Variants in ASB18 observed in about 807,000 individuals in gnomAD.
The protein encoded by ASB18 is ankyrin repeat and SOCS box protein 18.
ASB18 carries 33 observed loss-of-function variants against 33.4 expected under a neutral mutation model. That is an observed-to-expected ratio of 0.99 (90% CI 0.75 to 1.32). ASB18 has a LOEUF of 1.32. ASB18 is among the 40% of genes most tolerant of loss of function. The pLI, the probability that ASB18 is intolerant of heterozygous loss-of-function variation, is 0.00. For missense variants in ASB18, 694 were observed against 655.5 expected (o/e 1.06, Z -0.64); for synonymous variants, 295 against 307.6 (o/e 0.96, Z 0.43).
At position 236,196,458 on chromosome 2, in the gene ASB18, T is replaced by A; in HGVS notation, c.1102-73A>T. ...GTCTCAGTGGGGAAAGGGTGGGGGG[T>A]GTGGGGGGATGCTCTCCCTAGCTGT... On this transcript the variant is annotated intron_variant, in intron 4 of 5. Coordinates refer to ENST00000409749, the MANE Select transcript of ASB18 (RefSeq NM_212556.4). This position sits in a 1 kb window ranked among gnomAD's most constrained non-coding sequence, Gnocchi z 5.6. The A allele has an allele frequency of 1.4e-6, 1 of 739,544 alleles. No individual in the cohort carries two copies. The highest frequency in any genetic ancestry group is 2.4e-6 in the Non-Finnish European group (1 of 421,388). The allele number at this position is 739,544 out of a possible 1,614,324, so 45.8% of individuals were successfully genotyped here.
In ASB18 at chr2:236,231,902, A is replaced by G. The variant is rs1053560323; in HGVS notation, c.596+5787T>C. Among the ~76,000 whole-genome samples the G allele has an allele frequency of 9.9e-5, 15 of 152,234 alleles. No homozygotes were observed. The highest frequency in any genetic ancestry group is 9.8e-4 in the Admixed American group (15 of 15,282). On this transcript the variant is annotated intron_variant, in intron 3 of 5. Coordinates refer to ENST00000409749, the MANE Select transcript of ASB18 (RefSeq NM_212556.4). This position sits in a 1 kb window ranked among gnomAD's most constrained non-coding sequence, Gnocchi z 5.5. ...GCAAAGAGAAACAGACAAATCCACA[A>G]TTATACTTAGAGAGTTTGACACTCT...
Position 236,216,918 on chromosome 2 carries a change from G to T in ASB18, c.597-2052C>A, listed in dbSNP as rs980957530. ...TGCCTGACCAGGTATGGTGCTGAGAGCACACTCTGCCGTGCCATGCCCCCA... is the reference window on the plus strand; with the variant it reads ...TGCCTGACCAGGTATGGTGCTGAGATCACACTCTGCCGTGCCATGCCCCCA... On this transcript the variant is annotated intron_variant, in intron 3 of 5. Transcript: ENST00000409749. This position sits in a 1 kb window ranked among gnomAD's most constrained non-coding sequence, Gnocchi z 6.1. Among the ~76,000 whole-genome samples the T allele has an allele frequency of 1.3e-5, 2 of 152,066 alleles. No homozygotes were observed. The highest frequency in any genetic ancestry group is 4.8e-5 in the African/African-American group (2 of 41,398).
At position 236,209,194 on chromosome 2, in the gene ASB18, T is replaced by C. The variant is rs1411098341; in HGVS notation, c.1101+5168A>G. On this transcript the variant is annotated intron_variant, in intron 4 of 5. Transcript: ENST00000409749. The surrounding 1 kb of genome is among the most constrained non-coding windows in gnomAD (Gnocchi z 4.4). ...TTAGGTAAAAAGAAAACATGAAAAC[T>C]TTAGGTCTCCATTTTCAGTATGGTT... 6.6e-6 allele frequency among the ~76,000 whole-genome samples: 1 copy of C among 152,054 alleles called. No homozygotes were observed. The highest frequency in any genetic ancestry group is 1.5e-5 in the Non-Finnish European group (1 of 68,016).
rs559428062 is a variant in ASB18 at position 236,245,138 on chromosome 2, C to T, written c.206-3736G>A. ...GACCCAAATTGGTTGCCACGGGGGC[C>T]GTAGGTTTATTTTTTACCATGTTTA... On this transcript the variant is annotated intron_variant, in intron 1 of 5. Coordinates refer to ENST00000409749, the MANE Select transcript of ASB18 (RefSeq NM_212556.4). This position sits in a 1 kb window ranked among gnomAD's most constrained non-coding sequence, Gnocchi z 4.7. 2.6e-4 allele frequency among the ~76,000 whole-genome samples: 39 copies of T among 152,210 alleles called. No homozygotes were observed. Among genetic ancestry groups the T allele is most frequent in the African/African-American group, 9.1e-4 (38 of 41,538 alleles).
chr2:236,237,616 G>A lies in ASB18; in HGVS notation c.596+73C>T, dbSNP rs2060600592. The A allele has an allele frequency of 1.9e-5, 23 of 1,231,984 alleles. No individual in the cohort carries two copies. Among genetic ancestry groups the A allele is most frequent in the Non-Finnish European group, 2.4e-5 (23 of 960,998 alleles). 76.3% of individuals were successfully genotyped at this position (1,231,984 alleles called of 1,614,324 possible). A position where few individuals can be genotyped will look rare whatever the true frequency, so the allele number is the denominator to read the frequency against. On this transcript the variant is annotated intron_variant, in intron 3 of 5. Coordinates refer to ENST00000409749, the MANE Select transcript of ASB18 (RefSeq NM_212556.4). This position sits in a 1 kb window ranked among gnomAD's most constrained non-coding sequence, Gnocchi z 6.2. The stretch of plus-strand genomic sequence containing the variant: ...GGACGGAGGCGGAGGCGGGGTCGGC[G>A]GTCTCGTGGGGGGAGGCGGGCGTCT...
In ASB18 at chr2:236,195,188, G is replaced by A. The variant is rs2034667; in HGVS notation, c.1216-131C>T. 0.11 allele frequency: 84,070 copies of A among 797,664 alleles called. 5,431 individuals carry two copies. Among genetic ancestry groups the A allele is most frequent in the African/African-American group, 0.18 (10,187 of 56,930 alleles). 49.4% of individuals were successfully genotyped at this position (797,664 alleles called of 1,614,324 possible). A position where few individuals can be genotyped will look rare whatever the true frequency, so the allele number is the denominator to read the frequency against. On this transcript the variant is annotated intron_variant, in intron 5 of 5. Coordinates refer to ENST00000409749, the MANE Select transcript of ASB18 (RefSeq NM_212556.4). This position sits in a 1 kb window ranked among gnomAD's most constrained non-coding sequence, Gnocchi z 5.5. ...CTGATCCCAGATAAGCGCACTGGAG[G>A]GAGACGCACCATCTTGTGGGAACCA... is the stretch of plus-strand genomic sequence containing the variant.
Position 236,219,069 on chromosome 2 carries a change from T to A in ASB18, c.597-4203A>T, listed in dbSNP as rs1395970998. 6.6e-6 allele frequency among the ~76,000 whole-genome samples: 1 copy of A among 151,702 alleles called. No individual in the cohort carries two copies. The highest frequency in any genetic ancestry group is 1.5e-5 in the Non-Finnish European group (1 of 67,980). On this transcript the variant is annotated intron_variant, in intron 3 of 5. Transcript: ENST00000409749. The surrounding 1 kb of genome is among the most constrained non-coding windows in gnomAD (Gnocchi z 6.4). ...TTGTTTTATTTTTGTATTGACAGGG[T>A]CTTGCTATGTTTCCCAGGCTGCTCT...
chr2:236,196,040 G>C lies in ASB18; in HGVS notation c.1215+232C>G. The C allele has an allele frequency of 1.8e-6, 1 of 550,428 alleles. No homozygotes were observed. The highest frequency in any genetic ancestry group is 3.4e-6 in the Non-Finnish European group (1 of 298,026). The allele number at this position is 550,428 out of a possible 1,614,324, so 34.1% of individuals were successfully genotyped here. ...CTCGCGCTTTTCAGGCCAGCACGGG[G>C]CTCTGAGCTCCTTGAGGCCATGGCA... is the stretch of plus-strand genomic sequence containing the variant. On this transcript the variant is annotated intron_variant, in intron 5 of 5. Transcript: ENST00000409749. The surrounding 1 kb of genome is among the most constrained non-coding windows in gnomAD (Gnocchi z 5.6).
rs1462017701 is a variant in ASB18 at position 236,264,234 on chromosome 2, T to A, written c.112A>T (p.Thr38Ser). The change falls in exon 1 of 6, where the codon ACT (threonine) becomes TCT (serine). Residue 38 changes from threonine to serine, a missense_variant. Physicochemically the swap from Thr to Ser is moderately conservative, Grantham distance 58. Coordinates refer to ENST00000409749, the MANE Select transcript of ASB18 (RefSeq NM_212556.4). The surrounding 1 kb of genome is among the most constrained non-coding windows in gnomAD (Gnocchi z 5.1). ...DEERVRDLICTEITPVDAVIE... is the reference protein window; with the variant it reads ...DEERVRDLICSEITPVDAVIE... ...ACAGCGTCCACAGGCGTGATTTCAGTGCAGATTAAATCCCTCACTCTCTCC... is the reference window on the plus strand; with the variant it reads ...ACAGCGTCCACAGGCGTGATTTCAGAGCAGATTAAATCCCTCACTCTCTCC... 1 of 1,613,984 alleles carries A rather than the reference T, an allele frequency of 6.2e-7. No individual in the cohort carries two copies. Among genetic ancestry groups the A allele is most frequent in the Non-Finnish European group, 8.5e-7 (1 of 1,179,880 alleles).
chr2:236,264,253 T>A lies in ASB18; in HGVS notation c.93A>T (p.Arg31Ser), dbSNP rs2060735964. The A allele has an allele frequency of 6.2e-7, 1 of 1,613,844 alleles. No individual in the cohort carries two copies. Among genetic ancestry groups the A allele is most frequent in the South Asian group, 1.1e-5 (1 of 91,086 alleles). ...TTTCAGTGCAGATTAAATCCCTCAC[T>A]CTCTCCTCATCTTTGGCATCCAGGG... ...KSALDAKDEE[R>S]VRDLICTEIT... is the part of the protein sequence containing the mutation. The change falls in exon 1 of 6, where the codon AGA (arginine) becomes AGT (serine). Residue 31 changes from arginine (R) to serine (S), a missense_variant. Physicochemically the swap from Arg to Ser is moderately radical, Grantham distance 110 (BLOSUM62 -1). Transcript: ENST00000409749. This position sits in a 1 kb window ranked among gnomAD's most constrained non-coding sequence, Gnocchi z 5.1.
At position 236,257,336 on chromosome 2, in the gene ASB18, C is replaced by T. The variant is rs112819843; in HGVS notation, c.205+6805G>A. ...AGCAGGGTCTCCCTGCCCCCACGCT[C>T]TCTGGTGGAGTGAGCAGTCAAGACA... On this transcript the variant is annotated intron_variant, in intron 1 of 5. Transcript: ENST00000409749. The surrounding 1 kb of genome is among the most constrained non-coding windows in gnomAD (Gnocchi z 5.5). Among the ~76,000 whole-genome samples the T allele has an allele frequency of 6.5e-4, 99 of 152,320 alleles. 1 individual carries two copies. Among genetic ancestry groups the T allele is most frequent in the Middle Eastern group, 3.4e-3 (1 of 294 alleles).
At position 236,259,030 on chromosome 2, in the gene ASB18, G is replaced by C. The variant is rs1018188598; in HGVS notation, c.205+5111C>G. Among the ~76,000 whole-genome samples, 1 of 152,178 alleles carries C rather than the reference G, an allele frequency of 6.6e-6. No homozygotes were observed. Among genetic ancestry groups the C allele is most frequent in the African/African-American group, 2.4e-5 (1 of 41,442 alleles). The stretch of plus-strand genomic sequence containing the variant: ...CCAGTTACCAAATTGTACAGTTGAT[G>C]CATTTGGGGGGCGAGATGGGTCTCA... On this transcript the variant is annotated intron_variant, in intron 1 of 5. Coordinates refer to ENST00000409749, the MANE Select transcript of ASB18 (RefSeq NM_212556.4). The surrounding 1 kb of genome is among the most constrained non-coding windows in gnomAD (Gnocchi z 4.4).
rs1021815448 is a variant in ASB18, at chr2:236,220,926, C to T, written c.597-6060G>A. 6.6e-6 allele frequency among the ~76,000 whole-genome samples: 1 copy of T among 152,178 alleles called. No individual in the cohort carries two copies. Among genetic ancestry groups the T allele is most frequent in the Non-Finnish European group, 1.5e-5 (1 of 68,036 alleles). ...CCACAGGAATTCCTGGACAGACTCA[C>T]CGACAGGACACTGAAGGCAGGGCAA... On this transcript the variant is annotated intron_variant, in intron 3 of 5. Transcript: ENST00000409749. The surrounding 1 kb of genome is among the most constrained non-coding windows in gnomAD (Gnocchi z 5.1).
rs1457627654 is a variant in ASB18, at chr2:236,209,805, T to C, written c.1101+4557A>G. Among the ~76,000 whole-genome samples, 1 of 152,256 alleles carries C rather than the reference T, an allele frequency of 6.6e-6. No individual in the cohort carries two copies. Among genetic ancestry groups the C allele is most frequent in the African/African-American group, 2.4e-5 (1 of 41,478 alleles). ...GCCCTTAAGGCCCTGCCTGGCTGCC[T>C]AGTCTCAACTGGTGCCCCCTAGCTG... On this transcript the variant is annotated intron_variant, in intron 4 of 5. Transcript: ENST00000409749. The surrounding 1 kb of genome is among the most constrained non-coding windows in gnomAD (Gnocchi z 4.4).
Position 236,222,633 on chromosome 2 carries a change from G to C in ASB18, c.597-7767C>G, listed in dbSNP as rs1184329305. ...GGATGGGGCCTGGTGGGAGGTGGTT[G>C]GTTCATGGGGGTAGGTCTCTCACGA... On this transcript the variant is annotated intron_variant, in intron 3 of 5. Coordinates refer to ENST00000409749, the MANE Select transcript of ASB18 (RefSeq NM_212556.4). This position sits in a 1 kb window ranked among gnomAD's most constrained non-coding sequence, Gnocchi z 5.5. Among the ~76,000 whole-genome samples the C allele has an allele frequency of 6.6e-6, 1 of 152,154 alleles. No individual in the cohort carries two copies. The highest frequency in any genetic ancestry group is 2.4e-5 in the African/African-American group (1 of 41,416).
At position 236,225,010 on chromosome 2, in the gene ASB18, C is replaced by G. The variant is rs2060530711; in HGVS notation, c.597-10144G>C. ...TATGTATCAATGCCTGTGAGCCTGG[C>G]ATCTCAGGCAGGTGAACTTCCTGTT... On this transcript the variant is annotated intron_variant, in intron 3 of 5. Coordinates refer to ENST00000409749, the MANE Select transcript of ASB18 (RefSeq NM_212556.4). This position sits in a 1 kb window ranked among gnomAD's most constrained non-coding sequence, Gnocchi z 5.1. Among the ~76,000 whole-genome samples the G allele has an allele frequency of 6.6e-6, 1 of 152,242 alleles. No homozygotes were observed. Among genetic ancestry groups the G allele is most frequent in the Admixed American group, 6.5e-5 (1 of 15,288 alleles).
chr2:236,242,650 G>C (rs2060626410), intron 1 of ASB18, among the ~76,000 whole-genome samples: 2 of 151,802 alleles, frequency 1.3e-5, no homozygotes, highest in Non-Finnish European at 2.9e-5. Flanking sequence ...ATTTTTCGTA[G>C]AGATGGGCTT....
chr2:236,207,281 C>A (rs2060439037), intron 4 of ASB18, among the ~76,000 whole-genome samples: 1 of 152,214 alleles, frequency 6.6e-6, no homozygotes, highest in African/African-American at 2.4e-5. Flanking sequence ...TTAGTGTATA[C>A]TTCAATCTGA....
At position 236,237,406 on chromosome 2, in the gene ASB18, CGGGG is replaced by C. The variant is rs2060599054; in HGVS notation, c.596+279_596+282del. ...CGGGGCGGGGGCCGGGGCCGGGGCG[CGGGG>C]CGGGGGCCGGGGCCGGGGCGCGGGG... On this transcript the variant is annotated intron_variant, in intron 3 of 5. Coordinates refer to ENST00000409749, the MANE Select transcript of ASB18 (RefSeq NM_212556.4). The surrounding 1 kb of genome is among the most constrained non-coding windows in gnomAD (Gnocchi z 6.2). Among the ~76,000 whole-genome samples, 1 of 91,670 alleles carries C rather than the reference CGGGG, an allele frequency of 1.1e-5. No homozygotes were observed. Among genetic ancestry groups the C allele is most frequent in the African/African-American group, 6.2e-5 (1 of 16,050 alleles). 60.1% of individuals were successfully genotyped at this position (91,670 alleles called of 152,430 possible). A position where few individuals can be genotyped will look rare whatever the true frequency, so the allele number is the denominator to read the frequency against.
Sources: allele counts gnomAD v4.1 joint callset (sites outside exome capture counted in the v4.1 genomes callset), GRCh38; gene constraint gnomAD v4.1.1; non-coding constraint Gnocchi (gnomAD v3.1); transcripts MANE v1.5; gene names NCBI Gene and HGNC (gene_info 2026-07-23, HGNC 2026-07-21).